CLASP1: variants seen among roughly 807,000 people sequenced by gnomAD.
The protein encoded by CLASP1 is cytoplasmic linker associated protein 1, also known as CLIP-associating protein 1.
A neutral mutation model predicts 192.3 loss-of-function variants in CLASP1; 38 were observed. The observed-to-expected ratio is 0.20, with a 90% CI of 0.15 to 0.26. The LOEUF (loss-of-function observed/expected upper bound fraction) is 0.26. Among genes scored for constraint, CLASP1 ranks in the 10% least tolerant of loss-of-function variants. The probability of loss-of-function intolerance (pLI) is 1.00; values close to 1 mark genes in which losing one functional copy is unlikely to be tolerated. For missense variants in CLASP1, 1,433 were observed against 1,932.5 expected, an observed-to-expected ratio of 0.74 and a Z score of 4.85; for synonymous variants, 691 against 712.8, an observed-to-expected ratio of 0.97 and a Z score of 0.49.
intron 35 of CLASP1, among the ~76,000 whole-genome samples, chr2:121,365,513 C>T (rs896527358): frequency 6.6e-6 from 1 of 152,238 alleles, no homozygotes; most frequent in Non-Finnish European, 1.5e-5. Context: ...GCGAGACCAG[C>T]TGTCCAGTAC....
chr2:121,632,898 G>GGAA (rs1553680683), intron 1 of CLASP1, among the ~76,000 whole-genome samples: 2 of 86,330 alleles, frequency 2.3e-5, no homozygotes, highest in African/African-American at 9.5e-5. Context: ...CTCCATCTCA[G>GGAA]AAAAAAAAAA....
chr2:121,341,538 A>T (rs1023801480), intron 39 of CLASP1, among the ~76,000 whole-genome samples: 1 of 152,272 alleles, frequency 6.6e-6, no homozygotes, highest in African/African-American at 2.4e-5. Context: ...GCTGTCTATA[A>T]GAAATTCACT....
chr2:121,470,826 C>T (rs2090586844), intron 8 of CLASP1, among the ~76,000 whole-genome samples: 2 of 152,090 alleles, frequency 1.3e-5, no homozygotes, highest in Admixed American at 6.5e-5. Flanking sequence ...CACACCATTG[C>T]CAACATTTAA....
intron 8 of CLASP1, among the ~76,000 whole-genome samples, chr2:121,501,369 G>C (rs1233884513): frequency 6.6e-6 from 1 of 152,120 alleles, no homozygotes; most frequent in African/African-American, 2.4e-5. Context: ...CTCATCACGA[G>C]TGCACCACTC....
chr2:121,572,194 C>CA (rs1372764549), intron 2 of CLASP1, among the ~76,000 whole-genome samples: 1 of 152,020 alleles, frequency 6.6e-6, no homozygotes, highest in Non-Finnish European at 1.5e-5. Context: ...TTTGGGAGGC[C>CA]AAGGCGGGTG....
intron 1 of CLASP1, among the ~76,000 whole-genome samples, chr2:121,610,303 G>A (rs2065069963): frequency 6.6e-6 from 1 of 150,806 alleles, no homozygotes; most frequent in South Asian, 2.1e-4. Flanking sequence ...GGAGTTATGA[G>A]AGGAAGAGGA....
chr2:121,627,275 T>C (rs946748991), intron 1 of CLASP1, among the ~76,000 whole-genome samples: 5 of 152,128 alleles, frequency 3.3e-5, no homozygotes, highest in Non-Finnish European at 5.9e-5. Flanking sequence ...TCTATAATTA[T>C]TTCACAATAG....
At chr2:121,511,935 T>C (rs2094148493) in intron 7 of CLASP1, among the ~76,000 whole-genome samples, 1 of 152,252 alleles carries the variant, frequency 6.6e-6, no homozygotes, top group South Asian at 2.1e-4. Context: ...ACTAAAGCTT[T>C]AGCAAGCAAG....
intron 1 of CLASP1, among the ~76,000 whole-genome samples, chr2:121,632,625 G>T (rs1400092476): frequency 6.6e-6 from 1 of 152,088 alleles, no homozygotes; most frequent in Non-Finnish European, 1.5e-5. Context: ...CGCTGGACGC[G>T]GTGGCTCATG....
chr2:121,458,763 CA>C, intron 13 of CLASP1, 76 bp downstream of exon 13: 1 of 1,149,268 alleles, frequency 8.7e-7, no homozygotes. Flanking sequence ...ATTATGTTAA[CA>C]AAAATGCCTC....
intron 4 of CLASP1, among the ~76,000 whole-genome samples, chr2:121,528,145 A>G (rs981113058): frequency 2.0e-5 from 3 of 152,264 alleles, no homozygotes; most frequent in Non-Finnish European, 4.4e-5. Context: ...AAAGAGAGGT[A>G]TAACTGTCCT....
At chr2:121,531,713 C>T (rs932886859) in intron 2 of CLASP1, among the ~76,000 whole-genome samples, 5 of 150,968 alleles carry the variant, frequency 3.3e-5, no homozygotes, top group African/African-American at 4.9e-5. Context: ...ACTAAAAATA[C>T]AAAAATTAGC....
chr2:121,568,586 C>T (rs1461570667), intron 2 of CLASP1, among the ~76,000 whole-genome samples: 1 of 151,284 alleles, frequency 6.6e-6, no homozygotes, highest in Non-Finnish European at 1.5e-5. Flanking sequence ...AGGATTTTTC[C>T]ACATAACTGA....
intron 30 of CLASP1, among the ~76,000 whole-genome samples, chr2:121,394,620 G>A (rs141680834): frequency 2.8e-4 from 42 of 152,258 alleles, no homozygotes; most frequent in East Asian, 2.3e-3. Context: ...AGTGGCTCAC[G>A]CCTGTAATCC....
chr2:121,569,380 C>A (rs1174626193), intron 2 of CLASP1, among the ~76,000 whole-genome samples: 1 of 152,186 alleles, frequency 6.6e-6, no homozygotes, highest in Non-Finnish European at 1.5e-5. Flanking sequence ...ATCAGGGCGG[C>A]TGGAGGACAG....
rs1553544475 is a variant in CLASP1 at position 121,457,488 on chromosome 2, C to CAG, written c.1385+197_1385+198dup. The stretch of plus-strand genomic sequence containing the variant: ...ACACACACACACACACACACACACA[C>CAG]AGAAACATAATAGAGGTTGTCCACA... On this transcript the variant is annotated intron_variant, in intron 14 of 39. Transcript: ENST00000263710. Among the ~76,000 whole-genome samples the CAG allele has an allele frequency of 1.6e-4, 24 of 151,416 alleles. 1 individual carries two copies. Among genetic ancestry groups the CAG allele is most frequent in the African/African-American group, 5.4e-4 (22 of 41,086 alleles).
chr2:121,391,612 G>T (rs764093457), intron 30 of CLASP1, among the ~76,000 whole-genome samples: 6 of 152,170 alleles, frequency 3.9e-5, no homozygotes, highest in Non-Finnish European at 7.4e-5. Flanking sequence ...AATAAGACTT[G>T]AAAGAGTCCG....
At chr2:121,387,884 G>C in exon 31 of CLASP1, 1 of 1,611,726 alleles carries the variant, frequency 6.2e-7, no homozygotes, top group Middle Eastern at 1.7e-4. Flanking sequence ...TTCAAACAGA[G>C]AGATTAGCAC....
At chr2:121,486,035 G>A (rs2092950611) in intron 8 of CLASP1, among the ~76,000 whole-genome samples, 1 of 152,210 alleles carries the variant, frequency 6.6e-6, no homozygotes, top group Non-Finnish European at 1.5e-5. Context: ...AAAGTGAAGT[G>A]CATTCTAAGT....
Sources: allele counts gnomAD v4.1 joint callset (sites outside exome capture counted in the v4.1 genomes callset), GRCh38; gene constraint gnomAD v4.1.1; transcripts MANE v1.5; gene names NCBI Gene and HGNC (gene_info 2026-07-23, HGNC 2026-07-21).